The following ZNF69 variants were observed in gnomAD, a reference collection of about 807,000 sequenced individuals.
ZNF69 encodes the protein ZNF3.
ZNF69 carries 47 observed loss-of-function variants against 50.9 expected under a neutral mutation model. The ratio of observed to expected loss-of-function variants is 0.92; its 90% CI spans 0.73 to 1.18. The LOEUF is 1.18. Ranked by LOEUF, ZNF69 falls within the 50% of genes most tolerant of loss-of-function variation. The pLI is 0.00. For synonymous variants in ZNF69, 216 were observed against 223.1 expected (o/e 0.97, Z 0.29); for missense variants, 717 against 675.1 (o/e 1.06, Z -0.69).
chr19:11,914,130 A>C (rs1206866489), exon 5 of ZNF69: 1 of 152,152 alleles, frequency 6.6e-6, no homozygotes, highest in African/African-American at 2.4e-5. Context: ...ATTCTGACCA[A>C]TATGATCAAA....
At position 11,905,543 on chromosome 19, in the gene ZNF69, C is replaced by G; in HGVS notation, c.1146C>G (p.His382Gln). 2 of 1,613,850 alleles carry G rather than the reference C, an allele frequency of 1.2e-6. No individual in the cohort carries two copies. The highest frequency in any genetic ancestry group is 1.7e-6 in the Non-Finnish European group (2 of 1,179,984). ...CATTTCAAAGACATGAAAAAACTCA[C>G]AGTGGAGAGAAACCCTATAAATGCA... ...ANSFQRHEKTHSGEKPYKCKQ... is the reference protein window; with the variant it reads ...ANSFQRHEKTQSGEKPYKCKQ... The change falls in exon 4 of 4, where the codon CAC (histidine) becomes CAG (glutamine). Residue 382 changes from histidine to glutamine, a missense_variant. Physicochemically the swap from His to Gln is conservative, Grantham distance 24 (BLOSUM62 0). Transcript: ENST00000429654.
downstream of ZNF69, among the ~76,000 whole-genome samples, chr19:11,909,233 T>C (rs1440500510): frequency 6.6e-6 from 1 of 152,236 alleles, no homozygotes; most frequent in Non-Finnish European, 1.5e-5. Context: ...AGCTGAATTC[T>C]ACCAGAGGTA....
downstream of ZNF69, among the ~76,000 whole-genome samples, chr19:11,914,481 T>C (rs949505333): frequency 6.6e-5 from 10 of 152,328 alleles, 1 homozygote; most frequent in Admixed American, 5.2e-4. Context: ...ATTTATGCCT[T>C]ATAAAGCTAT....
At chr19:11,927,140 G>T in the ZNF69 span, among the ~76,000 whole-genome samples, 1 of 152,108 alleles carries the variant, frequency 6.6e-6, no homozygotes, top group Non-Finnish European at 1.5e-5. Flanking sequence ...ATAACTTGAG[G>T]TCAGGAGTTC....
chr19:11,908,879 A>G (rs1481895971), downstream of ZNF69, among the ~76,000 whole-genome samples: 1 of 152,212 alleles, frequency 6.6e-6, no homozygotes, highest in African/African-American at 2.4e-5. Flanking sequence ...CAGTGAATCC[A>G]GGAGCTGTTT....
intron 4 of ZNF69, among the ~76,000 whole-genome samples, chr19:11,912,737 A>G (rs1283768632): frequency 6.6e-6 from 1 of 151,450 alleles, no homozygotes; most frequent in Non-Finnish European, 1.5e-5. Context: ...TCAGCCTCAC[A>G]CCTTCAAATG....
chr19:11,956,458 G>A, the ZNF69 span: 5 of 397,364 alleles, frequency 1.3e-5, no homozygotes, highest in Non-Finnish European at 2.2e-5. Flanking sequence ...GAGTTTGAGA[G>A]ATTTTGCCGG....
chr19:11,900,594 CA>C (rs1350371039), intron 1 of ZNF69, among the ~76,000 whole-genome samples: 1 of 152,174 alleles, frequency 6.6e-6, no homozygotes, highest in African/African-American at 2.4e-5. Context: ...TTCGGTGATC[CA>C]CCCGTCTCTG....
the ZNF69 span, chr19:11,947,370 G>A: frequency 6.2e-7 from 1 of 1,609,532 alleles, no homozygotes; most frequent in Non-Finnish European, 8.5e-7. Context: ...GCTCATGAAT[G>A]CTGTTGAGTG....
chr19:11,888,769 A>C (rs1284529297), intron 1 of ZNF69, among the ~76,000 whole-genome samples: 1 of 152,110 alleles, frequency 6.6e-6, no homozygotes, highest in Admixed American at 6.5e-5. Context: ...GGAGTTCAAG[A>C]CCAGCCTGGC....
At chr19:11,960,830 C>T in the ZNF69 span, among the ~76,000 whole-genome samples, 2 of 152,112 alleles carry the variant, frequency 1.3e-5, no homozygotes, top group East Asian at 3.8e-4. Context: ...CCTCGATGTC[C>T]CTTCTTTCTG....
At chr19:11,978,050 G>A in the ZNF69 span, 2 of 1,565,048 alleles carry the variant, frequency 1.3e-6, no homozygotes, top group Non-Finnish European at 1.7e-6. Context: ...AAAAATGCAA[G>A]TGCAATACTT....
intron 1 of ZNF69, among the ~76,000 whole-genome samples, chr19:11,894,131 A>T (rs1739316825): frequency 6.6e-6 from 1 of 152,202 alleles, no homozygotes; most frequent in Non-Finnish European, 1.5e-5. Context: ...TCCCGTGTGA[A>T]AATTTGTATG....
Position 11,888,290 on chromosome 19 carries a change from G to A in ZNF69, c.63+304G>A, listed in dbSNP as rs189808493. On this transcript the variant is annotated intron_variant, in intron 1 of 3. Transcript: ENST00000429654. Reference sequence around the variant, plus strand: ...CGGGGGCCACGGGAGGGTCATGTGGGTGATCCCGACTCGGGTGTGGGGTTC... The same window carrying A: ...CGGGGGCCACGGGAGGGTCATGTGGATGATCCCGACTCGGGTGTGGGGTTC... Among the ~76,000 whole-genome samples, 4 of 152,376 alleles carry A rather than the reference G, an allele frequency of 2.6e-5. No homozygotes were observed. The East Asian group carries it at 7.7e-4, about 29-fold the overall frequency.
At chr19:11,965,242 G>A in the ZNF69 span, 22 of 1,613,584 alleles carry the variant, frequency 1.4e-5, no homozygotes, top group East Asian at 1.6e-4. Flanking sequence ...GTCCCGAGAC[G>A]GGGTAGAGGC....
downstream of ZNF69, among the ~76,000 whole-genome samples, chr19:11,914,563 C>CTTATA (rs1457806536): frequency 6.6e-6 from 1 of 152,198 alleles, no homozygotes; most frequent in East Asian, 1.9e-4. Context: ...ACAAGCCTGT[C>CTTATA]TTTCTCTGAT....
At chr19:11,944,882 G>C in the ZNF69 span, among the ~76,000 whole-genome samples, 1 of 152,210 alleles carries the variant, frequency 6.6e-6, no homozygotes, top group Non-Finnish European at 1.5e-5. Flanking sequence ...GCCTAGATGG[G>C]TGGTTTTATG....
chr19:11,913,264 T>G (rs1220154704), intron 4 of ZNF69: 1 of 450,932 alleles, frequency 2.2e-6, no homozygotes, highest in Non-Finnish European at 4.1e-6. Context: ...ACTGTTAAAT[T>G]GTTATTATTT....
the ZNF69 span, among the ~76,000 whole-genome samples, chr19:11,932,362 CA>C: frequency 1.4e-5 from 2 of 147,070 alleles, no homozygotes; most frequent in South Asian, 4.2e-4. Flanking sequence ...AGAAAAGACA[CA>C]AAAAAATTAG....
Sources: allele counts gnomAD v4.1 joint callset (sites outside exome capture counted in the v4.1 genomes callset), GRCh38; gene constraint gnomAD v4.1.1; transcripts MANE v1.5; gene names NCBI Gene and HGNC (gene_info 2026-07-23, HGNC 2026-07-21).